Variants in TAOK3 observed in about 807,000 individuals in gnomAD.
TAOK3 encodes TAO kinase 3, also known as serine/threonine-protein kinase TAO3.
Under a neutral mutation model 120.4 loss-of-function variants are expected in TAOK3, and 40 were observed. That is an observed-to-expected ratio of 0.33 (90% CI 0.26 to 0.43). TAOK3 has a LOEUF of 0.43. Among genes scored for constraint, TAOK3 ranks in the 20% least tolerant of loss-of-function variants. The pLI, the probability that TAOK3 is intolerant of heterozygous loss-of-function variation, is 1.00. For synonymous variants in TAOK3, 355 were observed against 387.5 expected (o/e 0.92, Z 0.99); for missense variants, 821 against 1,112.1 (o/e 0.74, Z 3.72).
At chr12:118,193,821 G>A (rs981286919) in intron 13 of TAOK3, among the ~76,000 whole-genome samples, 2 of 152,142 alleles carry the variant, frequency 1.3e-5, no homozygotes, top group African/African-American at 4.8e-5. Context: ...TGTGCTTTGG[G>A]TTTACTTTTA....
intron 1 of TAOK3, among the ~76,000 whole-genome samples, chr12:118,321,529 G>A (rs1441531391): frequency 1.3e-5 from 2 of 151,970 alleles, no homozygotes; most frequent in Non-Finnish European, 2.9e-5. Context: ...CAAAGTGCTG[G>A]GATTACAGCC....
At chr12:118,155,437 C>T (rs761975266) in intron 19 of TAOK3, among the ~76,000 whole-genome samples, 1 of 152,222 alleles carries the variant, frequency 6.6e-6, no homozygotes, top group Admixed American at 6.5e-5. Flanking sequence ...TGTCCCTTTA[C>T]AGACAAAGTT....
intron 1 of TAOK3, among the ~76,000 whole-genome samples, chr12:118,314,918 TTTTC>T (rs1566104963): frequency 6.7e-6 from 1 of 149,590 alleles, no homozygotes; most frequent in Non-Finnish European, 1.5e-5. Context: ...TTTTGTTTCT[TTTTC>T]TTTTTCTTTT....
intron 9 of TAOK3, among the ~76,000 whole-genome samples, chr12:118,223,171 G>A (rs1311485452): frequency 2.1e-5 from 3 of 145,552 alleles, no homozygotes; most frequent in Non-Finnish European, 3.0e-5. Context: ...CCAGGTTCAC[G>A]CCATTCTCCT....
intron 5 of TAOK3, among the ~76,000 whole-genome samples, chr12:118,242,798 T>C (rs2040308796): frequency 6.6e-6 from 1 of 152,114 alleles, no homozygotes; most frequent in Non-Finnish European, 1.5e-5. Context: ...AGGCAGAGGT[T>C]GTAGTCAGCT....
intron 15 of TAOK3, among the ~76,000 whole-genome samples, chr12:118,180,569 G>A (rs182305728): frequency 5.1e-4 from 77 of 152,246 alleles, no homozygotes; most frequent in African/African-American, 1.5e-3. Context: ...AGTTTAGAAC[G>A]TGGATGGGGA....
At chr12:118,225,194 G>A (rs2039441203) in intron 9 of TAOK3, among the ~76,000 whole-genome samples, 1 of 140,736 alleles carries the variant, frequency 7.1e-6, no homozygotes, top group Non-Finnish European at 1.5e-5. Context: ...GTTGCAGTGA[G>A]CCAAGATCGC....
At chr12:118,320,979 T>G (rs536948518) in intron 1 of TAOK3, among the ~76,000 whole-genome samples, 2 of 152,150 alleles carry the variant, frequency 1.3e-5, no homozygotes, top group Non-Finnish European at 2.9e-5. Context: ...CCTACTAAAG[T>G]ACTGTTAAGT....
At chr12:118,220,216 T>C (rs2039162315) in intron 9 of TAOK3, among the ~76,000 whole-genome samples, 1 of 152,166 alleles carries the variant, frequency 6.6e-6, no homozygotes, top group African/African-American at 2.4e-5. Context: ...CCTAGTTCTT[T>C]ATTTAATGTG....
chr12:118,153,187 G>A (rs1422941475), intron 19 of TAOK3, among the ~76,000 whole-genome samples: 1 of 152,154 alleles, frequency 6.6e-6, no homozygotes, highest in Non-Finnish European at 1.5e-5. Flanking sequence ...TGTGAGGATT[G>A]CTTGAGGCCT....
intron 1 of TAOK3, among the ~76,000 whole-genome samples, chr12:118,282,811 T>C (rs1046221566): frequency 2.6e-5 from 4 of 152,302 alleles, no homozygotes; most frequent in South Asian, 4.2e-4. Flanking sequence ...GAGTATCTGA[T>C]TGACCAAAGT....
chr12:118,242,792 A>C (rs1209603905), intron 5 of TAOK3, among the ~76,000 whole-genome samples: 1 of 152,062 alleles, frequency 6.6e-6, no homozygotes, highest in Non-Finnish European at 1.5e-5. Flanking sequence ...CCCAGGAGGC[A>C]GAGGTTGTAG....
At chr12:118,193,049 GTT>G (rs11380296) in intron 13 of TAOK3, among the ~76,000 whole-genome samples, 3 of 107,406 alleles carry the variant, frequency 2.8e-5, no homozygotes, top group Admixed American at 1.2e-4. Flanking sequence ...CCACGTTGTT[GTT>G]TTTTTTTTTT....
chr12:118,188,207 C>T (rs1350444186), intron 14 of TAOK3, among the ~76,000 whole-genome samples: 1 of 152,172 alleles, frequency 6.6e-6, no homozygotes, highest in Non-Finnish European at 1.5e-5. Flanking sequence ...CCACTCATTT[C>T]AACATGAACG....
intron 1 of TAOK3, among the ~76,000 whole-genome samples, chr12:118,316,564 C>T (rs1445253918): frequency 6.6e-6 from 1 of 151,998 alleles, no homozygotes; most frequent in African/African-American, 2.4e-5. Flanking sequence ...CCCTGCCTGG[C>T]TAGATTCTCT....
chr12:118,261,971 GT>G (rs1566030169), intron 2 of TAOK3, among the ~76,000 whole-genome samples: 1 of 151,842 alleles, frequency 6.6e-6, no homozygotes, highest in African/African-American at 2.4e-5. Context: ...AGCAATTCTC[GT>G]GCCTCAGTCA....
intron 20 of TAOK3, 44 bp from the exon 21 acceptor site, chr12:118,151,202 A>T: frequency 6.3e-7 from 1 of 1,599,816 alleles, no homozygotes. Flanking sequence ...GCATCTCCTA[A>T]CAGGCACCCA....
chr12:118,289,374 C>G (rs1298445837), intron 1 of TAOK3, among the ~76,000 whole-genome samples: 2 of 150,090 alleles, frequency 1.3e-5, no homozygotes, highest in African/African-American at 4.9e-5. Context: ...TTTTGATGAT[C>G]CTTTTCCTTC....
At chr12:118,158,893 A>G (rs1402754340) in intron 19 of TAOK3, among the ~76,000 whole-genome samples, 1 of 152,144 alleles carries the variant, frequency 6.6e-6, no homozygotes, top group Non-Finnish European at 1.5e-5. Context: ...TTGTTTCTCA[A>G]ATGTGCCATC....
Sources: gnomAD v4.1 joint callset for allele counts (sites outside exome capture counted in the v4.1 genomes callset) on GRCh38, gnomAD v4.1.1 for gene constraint, MANE v1.5 for transcripts, NCBI Gene and HGNC (gene_info 2026-07-23, HGNC 2026-07-21) for gene names.